Variants in DNAJC7 observed in about 807,000 individuals in gnomAD.
The protein encoded by DNAJC7 is DnaJ heat shock protein family (Hsp40) member C7.
A neutral mutation model predicts 67.4 loss-of-function variants in DNAJC7; 18 were observed. The ratio of observed to expected loss-of-function variants is 0.27; its 90% CI spans 0.18 to 0.40. DNAJC7 has a LOEUF of 0.40. DNAJC7 is among the 10% of genes least tolerant of loss of function. The pLI, the probability that DNAJC7 is intolerant of heterozygous loss-of-function variation, is 1.00. For synonymous variants in DNAJC7, 220 were observed against 207.8 expected (o/e 1.06, Z -0.50); for missense variants, 419 against 613.8 (o/e 0.68, Z 3.35).
chr17:41,996,976 ACAGTG>A, intron 3 of DNAJC7, 134 bp downstream of exon 3: 3 of 1,337,272 alleles, frequency 2.2e-6, no homozygotes, highest in Non-Finnish European at 3.1e-6. Flanking sequence ...TAAACAACCC[ACAGTG>A]CACAGTAAAG....
At chr17:41,977,364 G>A (rs1555645137) in intron 12 of DNAJC7, 41 bp from the exon 13 acceptor site, 5 of 1,517,484 alleles carry the variant, frequency 3.3e-6, no homozygotes, top group Non-Finnish European at 3.6e-6. Flanking sequence ...AAGAAAAGGT[G>A]AAAAATTAGA....
intron 1 of DNAJC7, chr17:42,016,765 A>G (rs141627245): frequency 8.7e-4 from 169 of 194,434 alleles, no homozygotes; most frequent in Non-Finnish European, 1.4e-3. Flanking sequence ...CGTAGAGAAC[A>G]CGAGATAAGC....
chr17:42,007,108 A>AAAAAAG (rs1421697544), intron 1 of DNAJC7, among the ~76,000 whole-genome samples: 1 of 152,046 alleles, frequency 6.6e-6, no homozygotes, highest in Non-Finnish European at 1.5e-5. Context: ...TCTCAAAAAA[A>AAAAAAG]AAAAAGAAAA....
chr17:42,012,905 T>C (rs1451388482), intron 1 of DNAJC7: 1 of 152,170 alleles, frequency 6.6e-6, no homozygotes, highest in Admixed American at 6.5e-5. Context: ...CAGGTGATAC[T>C]TACACCTCAG....
intron 5 of DNAJC7, among the ~76,000 whole-genome samples, chr17:41,992,362 CAG>C (rs1488764084): frequency 6.6e-6 from 1 of 151,966 alleles, no homozygotes; most frequent in African/African-American, 2.4e-5. Context: ...TTAGTAAAGA[CAG>C]GGTTTCTCCA....
chr17:41,988,442 A>C (rs2051435714), intron 8 of DNAJC7, among the ~76,000 whole-genome samples: 1 of 152,232 alleles, frequency 6.6e-6, no homozygotes, highest in South Asian at 2.1e-4. Flanking sequence ...AAACAACAAA[A>C]AAGCAACAGT....
At chr17:41,986,743 T>C (rs768921528) in intron 9 of DNAJC7, among the ~76,000 whole-genome samples, 72 of 152,178 alleles carry the variant, frequency 4.7e-4, no homozygotes, top group Non-Finnish European at 8.8e-4. Flanking sequence ...TATGTTTCTG[T>C]TGGACAGACT....
chr17:42,005,414 T>C (rs1302890200), intron 1 of DNAJC7, among the ~76,000 whole-genome samples: 4 of 152,256 alleles, frequency 2.6e-5, no homozygotes, highest in Non-Finnish European at 4.4e-5. Flanking sequence ...ACACTTAAGA[T>C]CTCTGCGTTG....
rs2051439024 is a variant in DNAJC7 at position 41,988,606 on chromosome 17, AAACT to A, written c.918+122_918+125del. ...TGCCTCTTGGAAGGGAGTTCCTAAC[AAACT>A]ATTAACCATAACAACTTTCCCTCTT... On this transcript the variant is annotated intron_variant, in intron 8 of 13. Transcript: ENST00000457167. 8.3e-6 allele frequency: 10 copies of A among 1,202,258 alleles called. No homozygotes were observed. The East Asian group carries it at 2.7e-4, about 33-fold the overall frequency. 74.5% of individuals were successfully genotyped at this position (1,202,258 alleles called of 1,614,324 possible).
chr17:41,984,591 G>A (rs2051331300), intron 9 of DNAJC7: 1 of 152,196 alleles, frequency 6.6e-6, no homozygotes, highest in Non-Finnish European at 1.5e-5. Context: ...ATAGGCGTGA[G>A]CCACCGCACC....
chr17:41,996,517 A>G, intron 3 of DNAJC7, 93 bp from the exon 4 acceptor site: 2 of 1,127,580 alleles, frequency 1.8e-6, no homozygotes, highest in Non-Finnish European at 2.5e-6. Flanking sequence ...AAACCAACAC[A>G]GAGGCCAGGC....
At chr17:41,987,679 G>T in intron 9 of DNAJC7, 140 bp downstream of exon 9, 1 of 662,752 alleles carries the variant, frequency 1.5e-6, no homozygotes. Flanking sequence ...ATAGTCTAGG[G>T]CTGGAACAAT....
chr17:41,977,557 A>G (rs2051124248), intron 12 of DNAJC7: 1 of 401,576 alleles, frequency 2.5e-6, no homozygotes. Flanking sequence ...TGCTGCCCCA[A>G]AGGAAGCTTT....
intron 1 of DNAJC7, among the ~76,000 whole-genome samples, chr17:42,008,423 T>A (rs975910353): frequency 2.0e-5 from 3 of 152,010 alleles, no homozygotes; most frequent in African/African-American, 7.2e-5. Flanking sequence ...TAGATTTTTT[T>A]TTTTGAGACG....
intron 1 of DNAJC7, chr17:42,003,253 G>A (rs182134019): frequency 2.6e-5 from 4 of 152,288 alleles, no homozygotes; most frequent in Middle Eastern, 3.4e-3. Context: ...TAGACTGAAC[G>A]CTTATTTTTT....
intron 12 of DNAJC7, 83 bp from the exon 13 acceptor site, chr17:41,977,406 C>A (rs1555645151): frequency 7.8e-7 from 1 of 1,281,324 alleles, no homozygotes; most frequent in Non-Finnish European, 1.1e-6. Flanking sequence ...ACACTGAGAA[C>A]AGATCTCCAA....
intron 2 of DNAJC7, among the ~76,000 whole-genome samples, chr17:41,999,779 A>G (rs578237626): frequency 2.0e-5 from 3 of 152,354 alleles, no homozygotes; most frequent in Non-Finnish European, 2.9e-5. Flanking sequence ...TTGGCCTTCC[A>G]AAGTGCTGGG....
chr17:41,976,908 G>A, intron 13 of DNAJC7, 138 bp from the exon 14 acceptor site: 1 of 1,111,786 alleles, frequency 9.0e-7, no homozygotes, highest in Non-Finnish European at 1.3e-6. Flanking sequence ...AAACAGCTCA[G>A]GCTGTTTTTG....
At position 42,002,004 on chromosome 17, in the gene DNAJC7, T is replaced by G. The variant is rs141901355; in HGVS notation, c.78-1434A>C. ...ATCACAATGCTGAAAAGAGGCCTTC[T>G]GCTATGAAAAATCTTCAAGAAAGAT... On this transcript the variant is annotated intron_variant, in intron 1 of 13. Transcript: ENST00000457167. Among the ~76,000 whole-genome samples, 3 of 152,284 alleles carry G rather than the reference T, an allele frequency of 2.0e-5. No individual in the cohort carries two copies. The East Asian group carries it at 5.8e-4, about 29-fold the overall frequency.
Sources: gnomAD v4.1 joint callset for allele counts (sites outside exome capture counted in the v4.1 genomes callset) on GRCh38, gnomAD v4.1.1 for gene constraint, MANE v1.5 for transcripts, NCBI Gene and HGNC (gene_info 2026-07-23, HGNC 2026-07-21) for gene names.